Variants in NCOA6 observed in about 807,000 individuals in gnomAD.
NCOA6 encodes nuclear receptor coactivator 6.
A neutral mutation model predicts 171.4 loss-of-function variants in NCOA6; 49 were observed. The observed-to-expected ratio is 0.29, with a 90% CI of 0.23 to 0.36. The LOEUF is 0.36. Ranked by LOEUF, NCOA6 falls within the 10% of genes least tolerant of loss-of-function variation. The pLI is 1.00. For synonymous variants in NCOA6, 910 were observed against 927.5 expected, an observed-to-expected ratio of 0.98 and a Z score of 0.34; for missense variants, 2,248 against 2,554.5, an observed-to-expected ratio of 0.88 and a Z score of 2.59.
chr20:34,782,422 A>C lies in NCOA6; in HGVS notation c.-49-18T>G, dbSNP rs866551614. On this transcript the variant is annotated intron_variant, in intron 2 of 14. Transcript: ENST00000359003. Reference sequence around the variant, plus strand: ...GAAAACTTCTGAAAAGAGAAGATGCAAAAGAGCATTACAATGCATAGTTAT... The same window carrying C: ...GAAAACTTCTGAAAAGAGAAGATGCCAAAGAGCATTACAATGCATAGTTAT... 5 of 925,812 alleles carry C rather than the reference A, an allele frequency of 5.4e-6. No homozygotes were observed. In the Middle Eastern group the frequency reaches 1.1e-3, roughly 211 times the overall value. The allele number at this position is 925,812 out of a possible 1,614,324, so 57.3% of individuals were successfully genotyped here.
At chr20:34,790,458 C>T (rs2077836616) in intron 2 of NCOA6, among the ~76,000 whole-genome samples, 1 of 151,032 alleles carries the variant, frequency 6.6e-6, no homozygotes, top group African/African-American at 2.4e-5. Flanking sequence ...AGGTTCATGC[C>T]ATTCTCCTGC....
chr20:34,744,529 A>T (rs2145618525), intron 10 of NCOA6, among the ~76,000 whole-genome samples: 1 of 152,318 alleles, frequency 6.6e-6, no homozygotes, highest in Non-Finnish European at 1.5e-5. Flanking sequence ...TGGCAGTCAA[A>T]AGAAATGCTG....
chr20:34,796,838 G>T (rs2078092352), intron 1 of NCOA6, among the ~76,000 whole-genome samples: 1 of 151,638 alleles, frequency 6.6e-6, no homozygotes, highest in East Asian at 1.9e-4. Flanking sequence ...AAAAAAAAAG[G>T]TTGGAAGAAA....
intron 11 of NCOA6, among the ~76,000 whole-genome samples, chr20:34,739,425 A>G (rs560804664): frequency 1.3e-5 from 2 of 152,344 alleles, no homozygotes; most frequent in African/African-American, 4.8e-5. Flanking sequence ...ACCCAAGCCT[A>G]CTGGCTCTTG....
chr20:34,746,705 T>C, intron 10 of NCOA6, 102 bp downstream of exon 10: 2 of 1,304,436 alleles, frequency 1.5e-6, no homozygotes, highest in Non-Finnish European at 2.0e-6. Flanking sequence ...GTAGACTAGT[T>C]AGCAGATAAA....
intron 13 of NCOA6, 106 bp from the exon 14 acceptor site, chr20:34,727,513 T>C: frequency 2.4e-6 from 3 of 1,225,436 alleles, no homozygotes; most frequent in Non-Finnish European, 3.5e-6. Flanking sequence ...CTAAGAACTA[T>C]ATAGTTATTC....
chr20:34,812,243 C>T (rs1485888916), intron 1 of NCOA6, among the ~76,000 whole-genome samples: 5 of 150,280 alleles, frequency 3.3e-5, no homozygotes, highest in Admixed American at 2.6e-4. Flanking sequence ...CAGATGGAGA[C>T]TCTGTCTTAA....
In NCOA6 at chr20:34,782,302, T is replaced by C; in HGVS notation, c.54A>G (p.Ser18=). 1 of 1,613,010 alleles carries C rather than the reference T, an allele frequency of 6.2e-7. No individual in the cohort carries two copies. Among genetic ancestry groups the C allele is most frequent in the Non-Finnish European group, 8.5e-7 (1 of 1,179,534 alleles). ...CCATCTCTGAGTCTTCCATTGTTGA[T>C]GAACACAAGGAAGTATAGATGTCTT... is the stretch of plus-strand genomic sequence containing the variant. ...NLEDIYTSLC[S]STMEDSEMDF... is the part of the protein sequence containing the mutation. The change falls in exon 3 of 15, where the codon TCA becomes TCG. Residue 18 remains serine (S), a synonymous_variant. Transcript: ENST00000359003.
chr20:34,769,899 G>A (rs926637915), intron 4 of NCOA6, among the ~76,000 whole-genome samples: 1 of 152,196 alleles, frequency 6.6e-6, no homozygotes, highest in Non-Finnish European at 1.5e-5. Flanking sequence ...AATATAGCTA[G>A]TCTGTGGCTG....
chr20:34,741,080 T>C lies in NCOA6; in HGVS notation c.5176A>G (p.Ile1726Val). The C allele has an allele frequency of 6.2e-7, 1 of 1,614,168 alleles. No homozygotes were observed. The change falls in exon 11 of 15, where the codon ATC becomes GTC. Residue 1726 changes from isoleucine to valine, a missense_variant. Physicochemically the swap from Ile to Val is conservative, Grantham distance 29 (BLOSUM62 3). This residue lies in a region of NCOA6 where 884 missense variants were observed against 941.9 expected (regional missense o/e 0.94). Transcript: ENST00000359003. ...NALSSSPAPN[I>V]QTGRPLVLSS... ...AGGACCAAAGGTCGACCTGTCTGGA[T>C]GTTTGGAGCAGGACTACTGGAGAGG...
intron 5 of NCOA6, among the ~76,000 whole-genome samples, chr20:34,759,626 T>C (rs1201513892): frequency 3.3e-5 from 5 of 152,212 alleles, no homozygotes; most frequent in Non-Finnish European, 7.3e-5. Context: ...TTTCACTTAA[T>C]GTATTTTTTG....
At chr20:34,771,790 T>A (rs1222231116) in intron 4 of NCOA6, among the ~76,000 whole-genome samples, 1 of 152,190 alleles carries the variant, frequency 6.6e-6, no homozygotes, top group South Asian at 2.1e-4. Context: ...TTCTCAATTT[T>A]CATGTAATCT....
At chr20:34,761,122 T>C (rs1403922794) in intron 5 of NCOA6, among the ~76,000 whole-genome samples, 1 of 152,218 alleles carries the variant, frequency 6.6e-6, no homozygotes, top group Non-Finnish European at 1.5e-5. Context: ...CTCAGGAGGC[T>C]GAGGCAGGAG....
At chr20:34,799,994 T>A (rs1297436979) in intron 1 of NCOA6, among the ~76,000 whole-genome samples, 1 of 152,148 alleles carries the variant, frequency 6.6e-6, no homozygotes, top group African/African-American at 2.4e-5. Context: ...ATATCTCAAG[T>A]AGAAAGACTA....
intron 1 of NCOA6, among the ~76,000 whole-genome samples, chr20:34,803,986 A>AC (rs2078351916): frequency 1.3e-5 from 2 of 151,516 alleles, no homozygotes; most frequent in Admixed American, 1.3e-4. Context: ...CGTTTAAAAA[A>AC]AAAAACAAAA....
At chr20:34,721,556 G>C (rs768888786) in intron 14 of NCOA6, among the ~76,000 whole-genome samples, 4 of 152,098 alleles carry the variant, frequency 2.6e-5, no homozygotes, top group Non-Finnish European at 5.9e-5. Flanking sequence ...TTCTTATAAG[G>C]ACTACACAAC....
chr20:34,746,930 T>TAAA lies in NCOA6; in HGVS notation c.2793-5_2793-3dup, dbSNP rs11484299. 1,675 of 1,135,220 alleles carry TAAA rather than the reference T, an allele frequency of 1.5e-3. 1 individual carries two copies. Among genetic ancestry groups the TAAA allele is most frequent in the South Asian group, 5.7e-3 (210 of 36,900 alleles). 70.3% of individuals were successfully genotyped at this position (1,135,220 alleles called of 1,614,324 possible). A position where few individuals can be genotyped will look rare whatever the true frequency, so the allele number is the denominator to read the frequency against. On this transcript the variant is annotated splice_polypyrimidine_tract_variant and splice_region_variant and intron_variant, in intron 9 of 14. Coordinates refer to ENST00000359003, the MANE Select transcript of NCOA6 (RefSeq NM_014071.5). ...CCAGCTGGGCGAGTATCTGGGGTGC[T>TAAA]AAAAAAAAAAAAAAAAAAAAAAGTG... is the stretch of plus-strand genomic sequence containing the variant.
rs1435411350 is a variant in NCOA6 at position 34,715,234 on chromosome 20, A to C, written c.*88T>G. On this transcript the variant is annotated 3_prime_UTR_variant, in exon 15 of 15. Coordinates refer to ENST00000359003, the MANE Select transcript of NCOA6 (RefSeq NM_014071.5). ...ACATTATTAAAATTACTAACTGTAC[A>C]GAAATTGATTTAAAAAAGTCACAGC... 4.5e-6 allele frequency: 7 copies of C among 1,556,924 alleles called. No homozygotes were observed. The highest frequency in any genetic ancestry group is 6.2e-6 in the Non-Finnish European group (7 of 1,130,376).
At position 34,776,230 on chromosome 20, in the gene NCOA6, T is replaced by TATATTCTA. The variant is rs1347820808; in HGVS notation, c.391+62_391+63insTAGAATAT. Reference sequence around the variant, plus strand: ...GGAACAGACAAAGCAGCACAGAAAATCATGCTATATTCTACTGTTGTAATG... The same window carrying TATATTCTA: ...GGAACAGACAAAGCAGCACAGAAAATATATTCTACATGCTATATTCTACTGTTGTAATG... On this transcript the variant is annotated intron_variant, in intron 4 of 14. Transcript: ENST00000359003. The TATATTCTA allele has an allele frequency of 3.1e-5, 48 of 1,545,752 alleles. No homozygotes were observed. In the Admixed American group the frequency reaches 9.3e-4, roughly 30 times the overall value.
Sources: allele counts gnomAD v4.1 joint callset (sites outside exome capture counted in the v4.1 genomes callset), GRCh38; gene constraint gnomAD v4.1.1; regional missense constraint gnomAD v4.1.1; transcripts MANE v1.5; gene names NCBI Gene and HGNC (gene_info 2026-07-23, HGNC 2026-07-21).